Variants in EPM2A observed in about 807,000 individuals in gnomAD.
EPM2A encodes the protein EPM2A glucan phosphatase, laforin, also known as laforin.
EPM2A carries 21 observed loss-of-function variants against 26.5 expected under a neutral mutation model. That is an observed-to-expected ratio of 0.79 (90% confidence interval 0.56 to 1.14). The LOEUF is 1.14. Ranked by LOEUF, EPM2A falls within the 50% of genes most tolerant of loss-of-function variation. The pLI is 0.00. For missense variants in EPM2A, 458 were observed against 440.8 expected, an observed-to-expected ratio of 1.04 and a Z score of -0.35; for synonymous variants, 217 against 177.6, an observed-to-expected ratio of 1.22 and a Z score of -1.76.
Position 145,686,247 on chromosome 6 carries a change from C to A in EPM2A, c.351G>T (p.Leu117Phe), listed in dbSNP as rs561578405. 3 of 1,613,894 alleles carry A rather than the reference C, an allele frequency of 1.9e-6. No homozygotes were observed. Among genetic ancestry groups the A allele is most frequent in the African/African-American group, 2.7e-5 (2 of 75,022 alleles). The change falls in exon 2 of 4, where the codon TTG (leucine) becomes TTT (phenylalanine). Residue 117 changes from leucine (L) to phenylalanine (F), a missense_variant. Transcript: ENST00000367519. ...TTGGGAGACAATACACACCATCCAC[C>A]AAGTTGTTTTCATTGTAAGTACAGC... Reference protein sequence around the residue: ...DRCCTYNENNLVDGVYCLPIG... With the variant: ...DRCCTYNENNFVDGVYCLPIG...
intron 1 of EPM2A, among the ~76,000 whole-genome samples, chr6:145,720,282 A>T (rs1371800682): frequency 6.6e-6 from 1 of 152,196 alleles, no homozygotes; most frequent in African/African-American, 2.4e-5. Flanking sequence ...TGTAGAGAAA[A>T]CATGAGACAT....
intron 2 of EPM2A, among the ~76,000 whole-genome samples, chr6:145,520,946 G>T (rs1484589781): frequency 1.3e-5 from 2 of 152,152 alleles, no homozygotes; most frequent in Non-Finnish European, 2.9e-5. Flanking sequence ...AAAAGTGATG[G>T]TAAAAGAGAA....
intron 2 of EPM2A, among the ~76,000 whole-genome samples, chr6:145,549,165 A>G (rs998580115): frequency 5.3e-5 from 8 of 152,106 alleles, no homozygotes; most frequent in African/African-American, 1.9e-4. Context: ...AAAGCCCCAA[A>G]AAGTGATAAA....
chr6:145,675,563 T>G (rs1779972384), intron 2 of EPM2A, among the ~76,000 whole-genome samples: 1 of 152,070 alleles, frequency 6.6e-6, no homozygotes, highest in Admixed American at 6.5e-5. Flanking sequence ...GAGATACACA[T>G]AGGCTCAAAA....
At chr6:145,542,706 T>A (rs1780529865) in intron 2 of EPM2A, among the ~76,000 whole-genome samples, 1 of 152,148 alleles carries the variant, frequency 6.6e-6, no homozygotes, top group Non-Finnish European at 1.5e-5. Flanking sequence ...GATACTTGGC[T>A]TTATTTTTTG....
At chr6:145,603,384 C>G (rs1449636049) in intron 2 of EPM2A, among the ~76,000 whole-genome samples, 1 of 152,070 alleles carries the variant, frequency 6.6e-6, no homozygotes, top group Non-Finnish European at 1.5e-5. Context: ...CTGAGCCCAT[C>G]AGGTTCTTTT....
At chr6:145,404,649 T>C (rs1778542424) in intron 4 of EPM2A, among the ~76,000 whole-genome samples, 1 of 152,148 alleles carries the variant, frequency 6.6e-6, no homozygotes, top group Admixed American at 6.6e-5. Context: ...TCCTATTTTC[T>C]GATTCTTCAT....
intron 1 of EPM2A, among the ~76,000 whole-genome samples, chr6:145,713,165 C>G (rs1775431148): frequency 6.6e-6 from 1 of 152,130 alleles, no homozygotes; most frequent in Admixed American, 6.6e-5. Flanking sequence ...TTACCTGTTA[C>G]AATGAAGTAA....
intron 4 of EPM2A, among the ~76,000 whole-genome samples, chr6:145,406,038 G>A (rs1213226864): frequency 6.7e-6 from 1 of 149,080 alleles, no homozygotes; most frequent in African/African-American, 2.5e-5. Flanking sequence ...CACACACACA[G>A]TATATTATTT....
chr6:145,401,210 T>G (rs1778481419), intron 4 of EPM2A, among the ~76,000 whole-genome samples: 1 of 151,964 alleles, frequency 6.6e-6, no homozygotes, highest in African/African-American at 2.4e-5. Flanking sequence ...CAAAAAAAAT[T>G]AATGTAATCA....
At chr6:145,713,020 C>A (rs143791194) in intron 1 of EPM2A, among the ~76,000 whole-genome samples, 1 of 152,200 alleles carries the variant, frequency 6.6e-6, no homozygotes, top group African/African-American at 2.4e-5. Context: ...AGTGTCTTGA[C>A]TGTGATGGAA....
intron 4 of EPM2A, among the ~76,000 whole-genome samples, chr6:145,467,464 A>C (rs1779414269): frequency 6.6e-6 from 1 of 152,170 alleles, no homozygotes; most frequent in African/African-American, 2.4e-5. Flanking sequence ...CCTCTTCCTG[A>C]ACACCTGTTT....
At chr6:145,548,774 G>A (rs753777393) in intron 2 of EPM2A, among the ~76,000 whole-genome samples, 5 of 151,928 alleles carry the variant, frequency 3.3e-5, no homozygotes, top group Non-Finnish European at 5.9e-5. Context: ...AGCTAAACTC[G>A]GCTCTCACTC....
At chr6:145,688,548 C>T (rs1185425897) in intron 1 of EPM2A, among the ~76,000 whole-genome samples, 1 of 151,912 alleles carries the variant, frequency 6.6e-6, no homozygotes, top group Non-Finnish European at 1.5e-5. Flanking sequence ...CAAAAGGAGT[C>T]CTCAAAAGAG....
chr6:145,503,142 C>A (rs1912023), intron 2 of EPM2A, among the ~76,000 whole-genome samples: 54,421 of 151,986 alleles, frequency 0.36, 10,308 homozygotes, highest in South Asian at 0.51. Flanking sequence ...TGATATGATA[C>A]AAGATGTGTA....
intron 2 of EPM2A, 24 bp from the exon 3 acceptor site, chr6:145,635,510 C>T: frequency 2.5e-6 from 4 of 1,613,018 alleles, no homozygotes; most frequent in Non-Finnish European, 3.4e-6. Flanking sequence ...ATGGAGACAA[C>T]TATCACTAGT....
At chr6:145,649,506 A>T (rs1777723053) in intron 2 of EPM2A, among the ~76,000 whole-genome samples, 1 of 152,186 alleles carries the variant, frequency 6.6e-6, no homozygotes, top group South Asian at 2.1e-4. Flanking sequence ...GATGGGGGCA[A>T]ATTGTGTAAC....
At chr6:145,415,551 G>A (rs1365439863) in intron 4 of EPM2A, among the ~76,000 whole-genome samples, 1 of 152,146 alleles carries the variant, frequency 6.6e-6, no homozygotes, top group Non-Finnish European at 1.5e-5. Context: ...ATTGTTGAGT[G>A]AAGAATCAGG....
intron 2 of EPM2A, among the ~76,000 whole-genome samples, chr6:145,505,233 C>T (rs1263648946): frequency 7.6e-6 from 1 of 131,558 alleles, no homozygotes; most frequent in Admixed American, 7.4e-5. Flanking sequence ...TACCCTAAAA[C>T]TTAAAGTATA....
Sources: allele counts gnomAD v4.1 joint callset (sites outside exome capture counted in the v4.1 genomes callset), GRCh38; gene constraint gnomAD v4.1.1; transcripts MANE v1.5; gene names NCBI Gene and HGNC (gene_info 2026-07-23, HGNC 2026-07-21).